ZNF100: variants seen among roughly 807,000 people sequenced by gnomAD.
ZNF100 encodes the protein zinc finger protein 100, also known as zinc finger protein 100 (Y1).
Under a neutral mutation model 15.8 loss-of-function variants are expected in ZNF100, and 12 were observed. The observed-to-expected ratio is 0.76, with a 90% CI of 0.49 to 1.23. The LOEUF (loss-of-function observed/expected upper bound fraction) is 1.23. Ranked by LOEUF, ZNF100 falls within the 50% of genes most tolerant of loss-of-function variation. The pLI, the probability that ZNF100 is intolerant of heterozygous loss-of-function variation, is 0.00. For missense variants in ZNF100, 670 were observed against 635.6 expected (o/e 1.05, Z -0.58); for synonymous variants, 226 against 214.8 (o/e 1.05, Z -0.45).
intron 2 of ZNF100, among the ~76,000 whole-genome samples, chr19:21,749,859 A>G (rs2145727002): frequency 6.6e-6 from 1 of 152,304 alleles, no homozygotes; most frequent in East Asian, 1.9e-4. Flanking sequence ...TTTTCAGTAC[A>G]TTCTCAATCC....
At chr19:21,765,656 G>A (rs1446580574) in intron 2 of ZNF100, 38 bp downstream of exon 2, 1 of 1,593,848 alleles carries the variant, frequency 6.3e-7, no homozygotes, top group South Asian at 1.1e-5. Context: ...ATGAAAGCTG[G>A]GTTGGGTGAA....
intron 4 of ZNF100, among the ~76,000 whole-genome samples, chr19:21,729,890 C>CT (rs1222668551): frequency 2.0e-5 from 3 of 151,978 alleles, no homozygotes; most frequent in Non-Finnish European, 4.4e-5. Context: ...AACTGAAGTT[C>CT]TTTTTTACCA....
At chr19:21,762,631 G>C (rs2036499622) in intron 2 of ZNF100, among the ~76,000 whole-genome samples, 2 of 152,124 alleles carry the variant, frequency 1.3e-5, no homozygotes, top group African/African-American at 4.8e-5. Context: ...CCTCTATTCA[G>C]CATGAAGTAG....
intron 4 of ZNF100, among the ~76,000 whole-genome samples, chr19:21,742,636 G>C (rs12972656): frequency 0.086 from 13,108 of 151,940 alleles, 731 homozygotes; most frequent in South Asian, 0.18. Flanking sequence ...GTGGCAGAAT[G>C]ATGAGTCAAA....
chr19:21,760,133 G>A (rs1436380469), intron 2 of ZNF100, among the ~76,000 whole-genome samples: 2 of 147,376 alleles, frequency 1.4e-5, no homozygotes, highest in Non-Finnish European at 3.0e-5. Flanking sequence ...ACTGAGCCAA[G>A]ATCGAGCCAT....
chr19:21,742,488 C>A lies in ZNF100; in HGVS notation c.322+1529G>T, dbSNP rs149739208. On this transcript the variant is annotated intron_variant, in intron 4 of 4. Transcript: ENST00000358296. ...CAGCCTGGGCAACAACAGTGAAACG[C>A]CGTCTCAAAAAACAAAAAACAAAAA... Among the ~76,000 whole-genome samples the A allele has an allele frequency of 6.3e-4, 94 of 148,616 alleles. No individual in the cohort carries two copies. The East Asian group carries it at 0.018, about 28-fold the overall frequency.
intron 2 of ZNF100, among the ~76,000 whole-genome samples, chr19:21,760,074 C>A (rs1020252292): frequency 1.3e-5 from 2 of 150,564 alleles, no homozygotes; most frequent in African/African-American, 4.9e-5. Context: ...CCCAGCAACT[C>A]GGGAGGCTGA....
rs1002509201 is a variant in ZNF100 at position 21,767,504 on chromosome 19, C to A, written c.-75G>T. ...TCTGCAGGTCAGAGGGCCACACAGG[C>A]TAGGCCCCTAGGAGCAGAAGACACA... On this transcript the variant is annotated 5_prime_UTR_variant, in exon 1 of 5. Coordinates refer to ENST00000358296, the MANE Select transcript of ZNF100 (RefSeq NM_173531.4). The A allele has an allele frequency of 2.7e-5, 43 of 1,600,402 alleles. No homozygotes were observed. Among genetic ancestry groups the A allele is most frequent in the Admixed American group, 8.5e-5 (5 of 58,656 alleles).
At position 21,726,954 on chromosome 19, in the gene ZNF100, C is replaced by T. The variant is rs2035803253; in HGVS notation, c.1358G>A (p.Gly453Glu). The change falls in exon 5 of 5, where the codon GGA becomes GAA. Residue 453 changes from glycine to glutamate, a missense_variant. Physicochemically the swap from Gly to Glu is moderately conservative, Grantham distance 98. Transcript: ENST00000358296. ...TTCGTCACATTTGTAGGGTTTCTCTCCAGTATGAATCATCTTATGGGTAGT... is the reference window on the plus strand; with the variant it reads ...TTCGTCACATTTGTAGGGTTTCTCTTCAGTATGAATCATCTTATGGGTAGT... The part of the protein sequence containing the change: ...NLTTHKMIHT[G>E]EKPYKCDECG... 5.6e-6 allele frequency: 9 copies of T among 1,611,336 alleles called. No homozygotes were observed. Among genetic ancestry groups the T allele is most frequent in the African/African-American group, 1.3e-5 (1 of 74,844 alleles).
intron 2 of ZNF100, 77 bp downstream of exon 2, chr19:21,765,617 T>C (rs2036545047): frequency 2.2e-6 from 3 of 1,359,738 alleles, no homozygotes; most frequent in African/African-American, 2.9e-5. Flanking sequence ...CAGCATCTGA[T>C]TGGCTGACCA....
chr19:21,751,516 C>T (rs1316363999), intron 2 of ZNF100: 2 of 1,105,294 alleles, frequency 1.8e-6, no homozygotes, highest in Non-Finnish European at 2.8e-6. Flanking sequence ...ATGCTGAAAT[C>T]GACATTTGCC....
intron 4 of ZNF100, among the ~76,000 whole-genome samples, chr19:21,735,275 A>G (rs528031891): frequency 6.6e-6 from 1 of 152,266 alleles, no homozygotes; most frequent in Admixed American, 6.5e-5. Flanking sequence ...TGGGTGGATC[A>G]TGAGGTCAGG....
rs377402442 is a variant in ZNF100 at position 21,767,405 on chromosome 19, A to G, written c.3+22T>C. ...ACCAGCCCTTTCGCCGTCTCTCGGGATGTCGGACCGGGCACTCTCACCATT... is the reference window on the plus strand; with the variant it reads ...ACCAGCCCTTTCGCCGTCTCTCGGGGTGTCGGACCGGGCACTCTCACCATT... On this transcript the variant is annotated intron_variant, in intron 1 of 4. Transcript: ENST00000358296. The G allele has an allele frequency of 1.8e-4, 289 of 1,613,838 alleles. 1 individual carries two copies. Among genetic ancestry groups the G allele is most frequent in the Non-Finnish European group, 2.4e-4 (281 of 1,179,970 alleles).
At chr19:21,758,955 A>G (rs577305808) in intron 2 of ZNF100, among the ~76,000 whole-genome samples, 16 of 152,240 alleles carry the variant, frequency 1.1e-4, no homozygotes, top group Non-Finnish European at 1.8e-4. Flanking sequence ...GGTCTCCATG[A>G]TATCTTTCTT....
chr19:21,758,912 A>C (rs1382087065), intron 2 of ZNF100, among the ~76,000 whole-genome samples: 1 of 152,052 alleles, frequency 6.6e-6, no homozygotes, highest in African/African-American at 2.4e-5. Context: ...AGAGCCTCCC[A>C]CTCCAAGACA....
At chr19:21,750,814 G>A (rs2036293119) in intron 2 of ZNF100, 2 of 425,130 alleles carry the variant, frequency 4.7e-6, no homozygotes, top group Admixed American at 4.0e-5. Context: ...TAGAGAAGGC[G>A]CCAGCCCCGG....
intron 4 of ZNF100, among the ~76,000 whole-genome samples, chr19:21,736,963 C>T (rs1266642631): frequency 2.0e-5 from 3 of 151,910 alleles, no homozygotes; most frequent in Non-Finnish European, 4.4e-5. Flanking sequence ...AATTGACTTC[C>T]TAACATCACA....
At chr19:21,755,692 T>C (rs1306140960) in intron 2 of ZNF100, among the ~76,000 whole-genome samples, 1 of 152,042 alleles carries the variant, frequency 6.6e-6, no homozygotes, top group Non-Finnish European at 1.5e-5. Flanking sequence ...CAAATGCCCA[T>C]CAATGACAGA....
chr19:21,751,775 C>T lies in ZNF100; in HGVS notation c.97-6708G>A. ...TGACCACCTGAATTTTCTATTTGCT[C>T]CTCTTAGCAAAGAAAGAGCACAGAA... On this transcript the variant is annotated intron_variant, in intron 2 of 4. Transcript: ENST00000358296. The T allele has an allele frequency of 2.4e-6, 3 of 1,263,164 alleles. No homozygotes were observed. In the Admixed American group the frequency reaches 6.5e-5, roughly 28 times the overall value. 78.2% of individuals were successfully genotyped at this position (1,263,164 alleles called of 1,614,324 possible).
Sources: allele counts gnomAD v4.1 joint callset (sites outside exome capture counted in the v4.1 genomes callset), GRCh38; gene constraint gnomAD v4.1.1; transcripts MANE v1.5; gene names NCBI Gene and HGNC (gene_info 2026-07-23, HGNC 2026-07-21).